Variants in DCAF8 observed in about 807,000 individuals in gnomAD.
The protein encoded by DCAF8 is DDB1 and CUL4 associated factor 8, also known as DDB1- and CUL4-associated factor 8.
A neutral mutation model predicts 68.0 loss-of-function variants in DCAF8; 20 were observed. The ratio of observed to expected loss-of-function variants is 0.29; its 90% CI spans 0.21 to 0.43. DCAF8 has a LOEUF of 0.43. Among genes scored for constraint, DCAF8 ranks in the 20% least tolerant of loss-of-function variants. DCAF8 has a pLI of 1.00. For missense variants in DCAF8, 460 were observed against 771.0 expected (o/e 0.60, Z 4.78); for synonymous variants, 230 against 276.9 (o/e 0.83, Z 1.68).
At chr1:160,239,313 A>T in intron 4 of DCAF8, 2 of 1,182,566 alleles carry the variant, frequency 1.7e-6, no homozygotes, top group Non-Finnish European at 1.1e-6. Flanking sequence ...ATGTGTTATT[A>T]GTCCCATTTT....
intron 6 of DCAF8, among the ~76,000 whole-genome samples, chr1:160,236,384 GTA>G (rs1041162249): frequency 9.9e-5 from 15 of 151,474 alleles, no homozygotes; most frequent in Non-Finnish European, 1.3e-4. Context: ...ATATGTGTGT[GTA>G]TATATGTGTA....
At position 160,238,659 on chromosome 1, in the gene DCAF8, T is replaced by C. The variant is rs763907889; in HGVS notation, c.812A>G (p.Gln271Arg). The C allele has an allele frequency of 6.2e-7, 1 of 1,613,790 alleles. No homozygotes were observed. Among genetic ancestry groups the C allele is most frequent in the South Asian group, 1.1e-5 (1 of 90,998 alleles). The change falls in exon 5 of 14, where the codon CAG becomes CGG. Residue 271 changes from glutamine (Q) to arginine (R), a missense_variant. Around this residue, in one of 8 missense-constraint regions of DCAF8, gnomAD observed 170 missense variants for 318.2 expected, o/e 0.53. Coordinates refer to ENST00000368074, the MANE Select transcript of DCAF8 (RefSeq NM_015726.4). ...QVRVAELSAT[Q>R]CCKNTKRVAQ... ...CACACGTTTTGTATTCTTGCAACAC[T>C]GTGTGGCAGACAGTTCTGCTACTCG...
intron 1 of DCAF8, 182 bp downstream of exon 1, chr1:160,262,267 G>C (rs1657130942): frequency 2.5e-6 from 1 of 399,056 alleles, no homozygotes; most frequent in African/African-American, 2.1e-5. Flanking sequence ...GCCGGAACGA[G>C]ACACAGACCG....
At chr1:160,221,478 T>G in intron 11 of DCAF8, among the ~76,000 whole-genome samples, 1 of 152,090 alleles carries the variant, frequency 6.6e-6, no homozygotes, top group East Asian at 1.9e-4. Context: ...CCCTGAAATT[T>G]AGAGGAAACC....
rs1479579563 is a variant in DCAF8, at chr1:160,217,615, G to A, written c.1771C>T (p.Arg591Trp). 2.5e-6 allele frequency: 4 copies of A among 1,613,850 alleles called. No individual in the cohort carries two copies. The highest frequency in any genetic ancestry group is 2.5e-6 in the Non-Finnish European group (3 of 1,179,908). The change falls in exon 14 of 14, where the codon CGG becomes TGG. Residue 591 changes from arginine to tryptophan, a missense_variant. Coordinates refer to ENST00000368074, the MANE Select transcript of DCAF8 (RefSeq NM_015726.4). ...DTSDEEEGPDRVQCMPS is the reference protein window; with the variant it reads ...DTSDEEEGPDWVQCMPS ...CCTCAAGATGGCATGCACTGCACCC[G>A]GTCAGGGCCCTCCTCCTCGTCCGAT...
At chr1:160,221,697 T>C (rs1456421968) in intron 11 of DCAF8, among the ~76,000 whole-genome samples, 5 of 151,542 alleles carry the variant, frequency 3.3e-5, no homozygotes, top group Non-Finnish European at 2.9e-5. Flanking sequence ...AGGCCTTGGA[T>C]AACCAGACTA....
chr1:160,224,566 C>T lies in DCAF8; in HGVS notation c.1202-17G>A. On this transcript the variant is annotated splice_polypyrimidine_tract_variant and intron_variant, in intron 9 of 13. Transcript: ENST00000368074. ...CCAGGAGCTCTGCCAAGAACAAGAA[C>T]ATAGCAGTGAAGGCAAAGGCTGAAA... 1 of 1,601,094 alleles carries T rather than the reference C, an allele frequency of 6.2e-7. No individual in the cohort carries two copies. Among genetic ancestry groups the T allele is most frequent in the Non-Finnish European group, 8.6e-7 (1 of 1,168,244 alleles).
In DCAF8 at chr1:160,240,084, C is replaced by A. The variant is rs1656049207; in HGVS notation, c.336G>T (p.Glu112Asp). The change falls in exon 4 of 14, where the codon GAG becomes GAT. Residue 112 changes from glutamate (E) to aspartate (D), a missense_variant. Glu to Asp is a conservative substitution (Grantham distance 45, BLOSUM62 2). Transcript: ENST00000368074. ...EEEEEEEEEEEQPRRRVQRKR... is the reference protein window; with the variant it reads ...EEEEEEEEEEDQPRRRVQRKR... ...TGCGCTGTACACGGCGCCGAGGCTG[C>A]TCTTCTTCCTCCTCTTCTTCCTCCT... is the stretch of plus-strand genomic sequence containing the variant. 2.0e-6 allele frequency: 3 copies of A among 1,534,542 alleles called. No homozygotes were observed. The East Asian group carries it at 6.7e-5, about 34-fold the overall frequency.
At position 160,238,682 on chromosome 1, in the gene DCAF8, T is replaced by C. The variant is rs16831675; in HGVS notation, c.789A>G (p.Arg263=). 4.4e-3 allele frequency: 7,048 copies of C among 1,613,772 alleles called. 142 individuals are homozygous for C. The African/African-American group carries it at 0.048, about 11-fold the overall frequency. Residue 263 remains arginine, a synonymous_variant, in exon 5 of 14, where the codon CGA becomes CGG. Coordinates refer to ENST00000368074, the MANE Select transcript of DCAF8 (RefSeq NM_015726.4). ...ACTGTGTGGCAGACAGTTCTGCTAC[T>C]CGAACCTGCCCGTCACGGGCACACA... ...LAMCARDGQV[R]VAELSATQCC... is the part of the protein sequence containing the mutation.
chr1:160,252,223 T>C (rs1571111541), intron 2 of DCAF8, among the ~76,000 whole-genome samples: 1 of 152,228 alleles, frequency 6.6e-6, no homozygotes, highest in African/African-American at 2.4e-5. Context: ...ATCCCATTTG[T>C]AGCCAATTAA....
At chr1:160,262,282 G>A (rs1006032952) in intron 1 of DCAF8, 167 bp downstream of exon 1, 21 of 399,236 alleles carry the variant, frequency 5.3e-5, no homozygotes, top group Admixed American at 2.6e-4. Context: ...AGACCGGGTA[G>A]GTCAAGGGAG....
intron 7 of DCAF8, among the ~76,000 whole-genome samples, chr1:160,229,954 C>T (rs1043318854): frequency 1.5e-4 from 23 of 151,836 alleles, no homozygotes; most frequent in African/African-American, 4.1e-4. Context: ...ACCCGGGAAG[C>T]GGAGGTTGCA....
At chr1:160,220,438 C>T (rs1284752028) in intron 11 of DCAF8, 3 of 152,254 alleles carry the variant, frequency 2.0e-5, no homozygotes, top group Admixed American at 6.5e-5. Context: ...GCAAGAGGAA[C>T]AAGAGAATAA....
chr1:160,237,039 T>C, intron 6 of DCAF8, 96 bp downstream of exon 6: 2 of 816,462 alleles, frequency 2.4e-6, no homozygotes, highest in Non-Finnish European at 3.8e-6. Context: ...ACAAAGGTAC[T>C]ATTCGGATGA....
intron 2 of DCAF8, among the ~76,000 whole-genome samples, chr1:160,245,682 G>A (rs942618168): frequency 6.6e-6 from 1 of 152,196 alleles, no homozygotes; most frequent in African/African-American, 2.4e-5. Flanking sequence ...GAAAAATAGT[G>A]AGAAGCTGTT....
intron 6 of DCAF8, among the ~76,000 whole-genome samples, chr1:160,236,148 G>T (rs1381673684): frequency 6.6e-6 from 1 of 151,894 alleles, no homozygotes; most frequent in Non-Finnish European, 1.5e-5. Flanking sequence ...AGAAGTATTT[G>T]TTTATTGTAA....
intron 2 of DCAF8, among the ~76,000 whole-genome samples, chr1:160,251,105 A>AT (rs576716300): frequency 1.9e-3 from 285 of 152,314 alleles, no homozygotes; most frequent in Middle Eastern, 6.8e-3. Flanking sequence ...ATAAACACCC[A>AT]TATTTAAATG....
At chr1:160,257,759 T>G (rs75118560) in intron 2 of DCAF8, among the ~76,000 whole-genome samples, 4,904 of 152,288 alleles carry the variant, frequency 0.032, 251 homozygotes, top group African/African-American at 0.11. Flanking sequence ...TTGCCCATAC[T>G]AAACTGCAGA....
chr1:160,261,495 C>T lies in DCAF8; in HGVS notation c.-100-137G>A, dbSNP rs149449388. The T allele has an allele frequency of 3.3e-5, 5 of 152,336 alleles. No individual in the cohort carries two copies. In the East Asian group the frequency reaches 9.6e-4, roughly 29 times the overall value. 9.4% of individuals were successfully genotyped at this position (152,336 alleles called of 1,614,324 possible). Reference sequence around the variant, plus strand: ...AGAATACTTTATCTAATTCTAATTACTGAACAAATAACCCACACACATATG... The same window carrying T: ...AGAATACTTTATCTAATTCTAATTATTGAACAAATAACCCACACACATATG... On this transcript the variant is annotated intron_variant, in intron 1 of 13. Coordinates refer to ENST00000368074, the MANE Select transcript of DCAF8 (RefSeq NM_015726.4).
Sources: allele counts gnomAD v4.1 joint callset (sites outside exome capture counted in the v4.1 genomes callset), GRCh38; gene constraint gnomAD v4.1.1; regional missense constraint gnomAD v4.1.1; transcripts MANE v1.5; gene names NCBI Gene and HGNC (gene_info 2026-07-23, HGNC 2026-07-21).